ADAM2: variants seen among roughly 807,000 people sequenced by gnomAD.
ADAM2 encodes the protein disintegrin and metalloproteinase domain-containing protein 2.
A neutral mutation model predicts 99.3 loss-of-function variants in ADAM2; 101 were observed. The ratio of observed to expected loss-of-function variants is 1.02; its 90% confidence interval spans 0.87 to 1.20. ADAM2 has a LOEUF of 1.20. Ranked by LOEUF, ADAM2 falls within the 50% of genes most tolerant of loss-of-function variation. The pLI, the probability that ADAM2 is intolerant of heterozygous loss-of-function variation, is 0.00. For missense variants in ADAM2, 948 were observed against 878.7 expected (o/e 1.08, Z -1.00); for synonymous variants, 323 against 287.6 (o/e 1.12, Z -1.25).
chr8:39,804,045 G>T (rs910147516), intron 7 of ADAM2, among the ~76,000 whole-genome samples: 4 of 152,174 alleles, frequency 2.6e-5, no homozygotes, highest in African/African-American at 9.7e-5. Context: ...GGAAAACAGA[G>T]TGCATGATTA....
intron 20 of ADAM2, among the ~76,000 whole-genome samples, chr8:39,744,415 G>A (rs965488164): frequency 1.3e-5 from 2 of 150,908 alleles, no homozygotes; most frequent in Middle Eastern, 3.2e-3. Context: ...AATATATTAC[G>A]TTCTTTCTCT....
At chr8:39,780,389 TTAGGA>T (rs1803168370) in intron 10 of ADAM2, among the ~76,000 whole-genome samples, 2 of 152,086 alleles carry the variant, frequency 1.3e-5, no homozygotes, top group African/African-American at 4.8e-5. Context: ...AATAAACATG[TTAGGA>T]TAGAATTGTA....
chr8:39,772,854 A>G (rs1357025637), intron 11 of ADAM2, among the ~76,000 whole-genome samples: 1 of 151,970 alleles, frequency 6.6e-6, no homozygotes, highest in Admixed American at 6.6e-5. Context: ...TAAAAAAAGT[A>G]CGATTCGCTA....
intron 12 of ADAM2, among the ~76,000 whole-genome samples, chr8:39,768,131 G>A (rs1215226290): frequency 1.3e-5 from 2 of 152,134 alleles, no homozygotes; most frequent in African/African-American, 4.8e-5. Context: ...AGAGGGGAAA[G>A]TTATATCTCA....
intron 7 of ADAM2, among the ~76,000 whole-genome samples, chr8:39,793,252 C>T (rs1368085243): frequency 1.3e-5 from 2 of 152,112 alleles, no homozygotes; most frequent in Non-Finnish European, 2.9e-5. Flanking sequence ...TGTTAATTCT[C>T]TACCTTATCA....
Position 39,766,029 on chromosome 8 carries a change from A to G in ADAM2, c.1507+819T>C, listed in dbSNP as rs528527806. Among the ~76,000 whole-genome samples, 246 of 152,094 alleles carry G rather than the reference A, an allele frequency of 1.6e-3. 2 individuals are homozygous for G. The highest frequency in any genetic ancestry group is 3.2e-3 in the Middle Eastern group (1 of 316). Reference sequence around the variant, plus strand: ...AACAATTTTGTATATAGTTTGCACCATGGTTTTCTTTTTTGTTTTTAACGT... The same window carrying G: ...AACAATTTTGTATATAGTTTGCACCGTGGTTTTCTTTTTTGTTTTTAACGT... On this transcript the variant is annotated intron_variant, in intron 14 of 20. Transcript: ENST00000265708.
chr8:39,789,890 C>A (rs533274602), intron 7 of ADAM2, among the ~76,000 whole-genome samples: 20 of 151,670 alleles, frequency 1.3e-4, no homozygotes, highest in Non-Finnish European at 8.9e-5. Flanking sequence ...TGTGAATAGA[C>A]ATTTCTCCAA....
At chr8:39,762,293 T>G (rs1280865400) in intron 14 of ADAM2, among the ~76,000 whole-genome samples, 2 of 152,186 alleles carry the variant, frequency 1.3e-5, no homozygotes, top group Non-Finnish European at 2.9e-5. Context: ...AACTGAAAAG[T>G]AAAAGTTCAT....
intron 11 of ADAM2, among the ~76,000 whole-genome samples, chr8:39,771,941 A>G (rs1802796667): frequency 6.6e-6 from 1 of 152,004 alleles, no homozygotes; most frequent in African/African-American, 2.4e-5. Context: ...AGAAAGTCAA[A>G]TACGGGAGGG....
At chr8:39,809,504 ATTAC>A (rs779486238) in intron 6 of ADAM2, 38 bp from the exon 7 acceptor site, 1 of 1,006,636 alleles carries the variant, frequency 9.9e-7, no homozygotes, top group East Asian at 2.4e-5. Context: ...AAATTACAGA[ATTAC>A]TTAAGTATTT....
In ADAM2 at chr8:39,824,831, G is replaced by T; in HGVS notation, c.255C>A (p.Asp85Glu). Residue 85 changes from aspartate (D) to glutamate (E), a missense_variant, in exon 4 of 21, where the codon GAC (aspartate) becomes GAA (glutamate). Asp to Glu is a conservative substitution (Grantham distance 45). Transcript: ENST00000265708. Reference protein sequence around the residue: ...YSGTGIMKPLDQDFQNFCHYQ... With the variant: ...YSGTGIMKPLEQDFQNFCHYQ... The stretch of plus-strand genomic sequence containing the variant: ...ATAAAAAACATACCTGAAAATCTTG[G>T]TCAAGTGGTTTCATAATTCCTGTGC... 1 of 1,564,660 alleles carries T rather than the reference G, an allele frequency of 6.4e-7. No homozygotes were observed. Among genetic ancestry groups the T allele is most frequent in the Non-Finnish European group, 8.8e-7 (1 of 1,141,320 alleles).
chr8:39,827,645 T>G (rs1299989024), intron 3 of ADAM2, among the ~76,000 whole-genome samples: 1 of 152,164 alleles, frequency 6.6e-6, no homozygotes, highest in African/African-American at 2.4e-5. Flanking sequence ...AAGAAAAATA[T>G]TGCCTGATCT....
At chr8:39,808,899 G>C (rs540818333) in intron 7 of ADAM2, among the ~76,000 whole-genome samples, 2 of 152,256 alleles carry the variant, frequency 1.3e-5, no homozygotes, top group East Asian at 3.9e-4. Flanking sequence ...CTGTGGGACA[G>C]AGTGAGACTC....
intron 3 of ADAM2, among the ~76,000 whole-genome samples, chr8:39,828,446 TTTAA>T (rs1805495711): frequency 6.6e-6 from 1 of 151,784 alleles, no homozygotes; most frequent in Non-Finnish European, 1.5e-5. Flanking sequence ...TAACAAATAA[TTTAA>T]TTGAGGAATA....
chr8:39,812,808 T>C (rs750400122), intron 6 of ADAM2, among the ~76,000 whole-genome samples: 27 of 152,080 alleles, frequency 1.8e-4, no homozygotes, highest in Non-Finnish European at 3.7e-4. Flanking sequence ...CCTAAAACCA[T>C]GAAAACCCTA....
At chr8:39,776,893 A>G in intron 11 of ADAM2, 132 bp downstream of exon 11, 1 of 584,732 alleles carries the variant, frequency 1.7e-6, no homozygotes, top group Admixed American at 3.3e-5. Flanking sequence ...GCATTGGAAT[A>G]CACATTTTGG....
intron 8 of ADAM2, among the ~76,000 whole-genome samples, 198 bp downstream of exon 8, chr8:39,788,471 C>T (rs542247375): frequency 1.0e-3 from 153 of 151,852 alleles, no homozygotes; most frequent in Non-Finnish European, 1.8e-3. Flanking sequence ...ATACCCCATG[C>T]TTTATATAAT....
intron 10 of ADAM2, 25 bp from the exon 11 acceptor site, chr8:39,777,186 C>A (rs558638008): frequency 1.2e-5 from 19 of 1,577,598 alleles, no homozygotes; most frequent in Non-Finnish European, 1.5e-5. Context: ...TAGATGTACA[C>A]GTTTTGGGAG....
chr8:39,833,202 G>A (rs532324980), intron 3 of ADAM2, among the ~76,000 whole-genome samples: 1 of 151,870 alleles, frequency 6.6e-6, no homozygotes, highest in Non-Finnish European at 1.5e-5. Flanking sequence ...GTAATTTTGA[G>A]TCTTTTTTTA....
Sources: gnomAD v4.1 joint callset for allele counts (sites outside exome capture counted in the v4.1 genomes callset) on GRCh38, gnomAD v4.1.1 for gene constraint, MANE v1.5 for transcripts, NCBI Gene and HGNC (gene_info 2026-07-23, HGNC 2026-07-21) for gene names.